The following ANKIB1 variants were observed in gnomAD, a reference collection of about 807,000 sequenced individuals.
ANKIB1 encodes ankyrin repeat and IBR domain-containing protein 1.
In ANKIB1, 43 loss-of-function variants were observed where a neutral mutation model predicts 122.1. The observed-to-expected ratio is 0.35, with a 90% CI of 0.28 to 0.45. ANKIB1 has a LOEUF of 0.45. Among genes scored for constraint, ANKIB1 ranks in the 20% least tolerant of loss-of-function variants. The pLI, the probability that ANKIB1 is intolerant of heterozygous loss-of-function variation, is 1.00. For synonymous variants in ANKIB1, 390 were observed against 442.0 expected (o/e 0.88, Z 1.48); for missense variants, 992 against 1,329.5 (o/e 0.75, Z 3.95).
At chr7:92,372,516 C>G (rs545863100) in intron 11 of ANKIB1, among the ~76,000 whole-genome samples, 1 of 152,100 alleles carries the variant, frequency 6.6e-6, no homozygotes, top group African/African-American at 2.4e-5. Flanking sequence ...GAACCCAAAG[C>G]AGTGGCCAGA....
At chr7:92,252,001 T>C (rs2131872097) in intron 1 of ANKIB1, among the ~76,000 whole-genome samples, 1 of 152,296 alleles carries the variant, frequency 6.6e-6, no homozygotes. Context: ...CCCTGTATTC[T>C]GTGTGGTGAC....
At chr7:92,286,022 A>T (rs984517917) in intron 1 of ANKIB1, among the ~76,000 whole-genome samples, 10 of 152,174 alleles carry the variant, frequency 6.6e-5, no homozygotes, top group East Asian at 5.8e-4. Flanking sequence ...TAATTTAATG[A>T]CTACTACTAC....
At chr7:92,346,144 T>C (rs1431983007) in intron 7 of ANKIB1, among the ~76,000 whole-genome samples, 5 of 152,034 alleles carry the variant, frequency 3.3e-5, no homozygotes, top group Admixed American at 3.3e-4. Flanking sequence ...TTTTTCTTTT[T>C]TGAGACAGGG....
chr7:92,352,322 A>G (rs960364037), intron 8 of ANKIB1, among the ~76,000 whole-genome samples, 154 bp from the exon 9 acceptor site: 7 of 152,230 alleles, frequency 4.6e-5, no homozygotes, highest in African/African-American at 1.7e-4. Context: ...ACTTTGCAGT[A>G]CTATTTAAAT....
At position 92,398,223 on chromosome 7, in the gene ANKIB1, C is replaced by G. The variant is rs1861635; in HGVS notation, c.2544C>G (p.Ser848=). The change falls in exon 20 of 20, where the codon TCC becomes TCG. Residue 848 remains serine, a synonymous_variant. Transcript: ENST00000265742. ...ENQDSLQALS[S]LDEDDPNILL... ...TTCTGTTGCTTCAGGCTCTGAGTTC[C>G]TTGGATGAAGACGATCCCAATATAC... 158,549 of 1,581,124 alleles carry G rather than the reference C, an allele frequency of 0.1. 9,922 individuals are homozygous for G. Among genetic ancestry groups the G allele is most frequent in the East Asian group, 0.34 (15,240 of 44,412 alleles).
chr7:92,251,271 C>T (rs1360344618), intron 1 of ANKIB1, among the ~76,000 whole-genome samples: 1 of 152,098 alleles, frequency 6.6e-6, no homozygotes. Flanking sequence ...ATTTAAAATC[C>T]ATGAAGAGAA....
At chr7:92,253,647 A>G (rs1000809095) in intron 1 of ANKIB1, among the ~76,000 whole-genome samples, 1 of 152,218 alleles carries the variant, frequency 6.6e-6, no homozygotes, top group Non-Finnish European at 1.5e-5. Context: ...ACAAATGGTA[A>G]CATACCATAT....
chr7:92,283,176 A>C (rs1802045792), intron 1 of ANKIB1, among the ~76,000 whole-genome samples: 1 of 152,190 alleles, frequency 6.6e-6, no homozygotes, highest in African/African-American at 2.4e-5. Context: ...TATTACTGTC[A>C]TGATAATACT....
chr7:92,384,771 A>C (rs1348004486), intron 11 of ANKIB1, among the ~76,000 whole-genome samples: 1 of 152,186 alleles, frequency 6.6e-6, no homozygotes, highest in African/African-American at 2.4e-5. Context: ...TAGACCTAAA[A>C]CCATAAAAAC....
intron 1 of ANKIB1, among the ~76,000 whole-genome samples, chr7:92,285,778 T>G (rs1267696893): frequency 2.0e-5 from 3 of 152,206 alleles, no homozygotes; most frequent in Admixed American, 6.5e-5. Flanking sequence ...TATGATGAAC[T>G]AAAATTAAGT....
rs188405267 is a variant in ANKIB1 at position 92,344,927 on chromosome 7, C to T, written c.997-51C>T. 2.6e-4 allele frequency: 373 copies of T among 1,440,596 alleles called. 2 individuals carry two copies. The highest frequency in any genetic ancestry group is 5.4e-5 in the Admixed American group (3 of 55,538). The allele number at this position is 1,440,596 out of a possible 1,614,324, so 89.2% of individuals were successfully genotyped here. On this transcript the variant is annotated intron_variant, in intron 6 of 19. Transcript: ENST00000265742. ...AAAAAAGTAAACAAAATGTATTGTTCTCTTTCAGAAGTACATTTCTGTTTA... is the reference window on the plus strand; with the variant it reads ...AAAAAAGTAAACAAAATGTATTGTTTTCTTTCAGAAGTACATTTCTGTTTA...
chr7:92,263,065 G>T (rs1191647021), intron 1 of ANKIB1, among the ~76,000 whole-genome samples: 1 of 152,140 alleles, frequency 6.6e-6, no homozygotes, highest in Non-Finnish European at 1.5e-5. Context: ...ATACTATAAG[G>T]TCTTTCCAAA....
In ANKIB1 at chr7:92,400,227, A is replaced by C. The variant is rs941530317; in HGVS notation, c.*1278A>C. 2.0e-5 allele frequency: 3 copies of C among 152,226 alleles called. No homozygotes were observed. Among genetic ancestry groups the C allele is most frequent in the African/African-American group, 7.2e-5 (3 of 41,464 alleles). The allele number at this position is 152,226 out of a possible 1,614,324, so 9.4% of individuals were successfully genotyped here. A position where few individuals can be genotyped will look rare whatever the true frequency, so the allele number is the denominator to read the frequency against. On this transcript the variant is annotated 3_prime_UTR_variant, in exon 20 of 20. Coordinates refer to ENST00000265742, the MANE Select transcript of ANKIB1 (RefSeq NM_019004.2). ...TGACATGTGTTTGTTCTACTGCGCA[A>C]TACTCATTTGCTGTGTGATTACTGT...
chr7:92,326,115 T>G (rs2131956267), intron 4 of ANKIB1: 1 of 231,118 alleles, frequency 4.3e-6, no homozygotes, highest in Non-Finnish European at 9.1e-6. Flanking sequence ...GTTGTGAAGA[T>G]TCAGAGTGGA....
At chr7:92,296,898 C>T (rs181663629) in intron 2 of ANKIB1, among the ~76,000 whole-genome samples, 1 of 152,188 alleles carries the variant, frequency 6.6e-6, no homozygotes, top group East Asian at 1.9e-4. Context: ...TTTCTTTTAT[C>T]TAATTTTTTT....
chr7:92,400,498 C>T lies in ANKIB1; in HGVS notation c.*1549C>T, dbSNP rs1804992144. ...GTCTACAGATACCAAACTTTCAGTT[C>T]TGAGTTTGTACAGGCAAGTCCTGGG... is the stretch of plus-strand genomic sequence containing the variant. On this transcript the variant is annotated 3_prime_UTR_variant, in exon 20 of 20. Coordinates refer to ENST00000265742, the MANE Select transcript of ANKIB1 (RefSeq NM_019004.2). 5 of 152,212 alleles carry T rather than the reference C, an allele frequency of 3.3e-5. No individual in the cohort carries two copies. The South Asian group carries it at 1.0e-3, about 32-fold the overall frequency. The allele number at this position is 152,212 out of a possible 1,614,324, so 9.4% of individuals were successfully genotyped here.
At chr7:92,328,673 A>G (rs1025190199) in intron 5 of ANKIB1, among the ~76,000 whole-genome samples, 2 of 151,934 alleles carry the variant, frequency 1.3e-5, no homozygotes, top group Non-Finnish European at 2.9e-5. Context: ...AAAACTAAAA[A>G]CACATTTAAA....
At position 92,328,748 on chromosome 7, in the gene ANKIB1, A is replaced by C. The variant is rs372195036; in HGVS notation, c.787+848A>C. Among the ~76,000 whole-genome samples the C allele has an allele frequency of 3.2e-4, 48 of 151,906 alleles. 1 individual carries two copies. Among genetic ancestry groups the C allele is most frequent in the African/African-American group, 9.9e-4 (41 of 41,486 alleles). ...GCCCTAGCTGGCTATTTTAACTATA[A>C]ATCTTTATGATCTATACTAAAATAG... On this transcript the variant is annotated intron_variant, in intron 5 of 19. Coordinates refer to ENST00000265742, the MANE Select transcript of ANKIB1 (RefSeq NM_019004.2).
chr7:92,271,846 T>C (rs1448042099), intron 1 of ANKIB1, among the ~76,000 whole-genome samples: 1 of 152,156 alleles, frequency 6.6e-6, no homozygotes, highest in Admixed American at 6.5e-5. Context: ...ATTATCCAAA[T>C]ATTGGAGTTC....
Sources: allele counts gnomAD v4.1 joint callset (sites outside exome capture counted in the v4.1 genomes callset), GRCh38; gene constraint gnomAD v4.1.1; transcripts MANE v1.5; gene names NCBI Gene and HGNC (gene_info 2026-07-23, HGNC 2026-07-21).